TUBA1C: variants seen among roughly 807,000 people sequenced by gnomAD.
TUBA1C encodes tubulin alpha 1c.
TUBA1C carries 16 observed loss-of-function variants against 34.9 expected under a neutral mutation model. The ratio of observed to expected loss-of-function variants is 0.46; its 90% CI spans 0.31 to 0.70. The LOEUF (loss-of-function observed/expected upper bound fraction) is 0.70, where lower values mean the gene tolerates loss of function less well. TUBA1C is among the 30% of genes least tolerant of loss of function. The pLI, the probability that TUBA1C is intolerant of heterozygous loss-of-function variation, is 0.05. For synonymous variants in TUBA1C, 177 were observed against 215.9 expected (o/e 0.82, Z 1.58); for missense variants, 329 against 587.3 (o/e 0.56, Z 4.55).
upstream of TUBA1C, chr12:49,265,018 C>T: frequency 9.3e-7 from 1 of 1,078,614 alleles, no homozygotes; most frequent in Non-Finnish European, 1.2e-6. Flanking sequence ...GGTCTGGGGC[C>T]CGCCCTCCCG....
upstream of TUBA1C, among the ~76,000 whole-genome samples, chr12:49,261,872 G>T (rs1267471824): frequency 6.6e-6 from 1 of 152,158 alleles, no homozygotes; most frequent in Non-Finnish European, 1.5e-5. Flanking sequence ...CTAAAGCATT[G>T]TAAGATTACA....
intron 1 of TUBA1C, among the ~76,000 whole-genome samples, chr12:49,241,956 C>G (rs1942621503): frequency 6.7e-6 from 1 of 149,608 alleles, no homozygotes; most frequent in Admixed American, 6.7e-5. Flanking sequence ...AGCCTTTATA[C>G]ATATTTTCAT....
At chr12:49,270,154 A>G (rs1392364652) in intron 3 of TUBA1C, 178 bp downstream of exon 3, 5 of 1,319,302 alleles carry the variant, frequency 3.8e-6, no homozygotes, top group South Asian at 2.5e-5. Context: ...TGGGACAACT[A>G]TGGGGTAGAA....
chr12:49,263,563 A>C (rs1022528074), upstream of TUBA1C, among the ~76,000 whole-genome samples: 1 of 152,172 alleles, frequency 6.6e-6, no homozygotes, highest in Non-Finnish European at 1.5e-5. Flanking sequence ...CCTGACCTCA[A>C]GTGACCTGCC....
intron 1 of TUBA1C, among the ~76,000 whole-genome samples, chr12:49,248,943 A>C (rs908222156): frequency 6.6e-6 from 1 of 152,114 alleles, no homozygotes; most frequent in Non-Finnish European, 1.5e-5. Context: ...ATTTGGAAAT[A>C]AAACAGACTT....
At chr12:49,265,607 G>A (rs1191415210) in intron 1 of TUBA1C, among the ~76,000 whole-genome samples, 2 of 152,230 alleles carry the variant, frequency 1.3e-5, no homozygotes, top group African/African-American at 4.8e-5. Flanking sequence ...CACCGACGGT[G>A]CAGCACTTCC....
At chr12:49,263,022 TC>T (rs1440878088), upstream of TUBA1C, among the ~76,000 whole-genome samples, 64 of 136,370 alleles carry the variant, frequency 4.7e-4, 1 homozygote, top group Non-Finnish European at 7.7e-4. Context: ...AGAGAATTAC[TC>T]TTTTTTTTTT....
exon 1 of TUBA1C, chr12:49,228,159 A>G: frequency 6.5e-7 from 1 of 1,535,716 alleles, no homozygotes; most frequent in South Asian, 1.2e-5. Context: ...CCTGGCTGTG[A>G]TTCAAAGGTA....
chr12:49,272,369 G>A lies in TUBA1C; in HGVS notation c.492G>A (p.Lys164=), dbSNP rs199599214. 2.5e-5 allele frequency: 40 copies of A among 1,613,790 alleles called. 1 individual carries two copies. In the Middle Eastern group the frequency reaches 1.3e-3, roughly 53 times the overall value. ...MERLSVDYGK[K]SKLEFSIYPA... ...GTCTCTCAGTTGATTATGGCAAGAA[G>A]TCCAAGCTGGAGTTCTCCATTTACC... Residue 164 remains lysine (K), a synonymous_variant, in exon 4 of 4, where the codon AAG becomes AAA. Coordinates refer to ENST00000301072, the MANE Select transcript of TUBA1C (RefSeq NM_032704.5).
chr12:49,270,887 G>A (rs1172024810), intron 3 of TUBA1C, among the ~76,000 whole-genome samples: 2 of 152,168 alleles, frequency 1.3e-5, no homozygotes, highest in African/African-American at 2.4e-5. Context: ...GCTGAGGCAG[G>A]AGAATGGCGT....
intron 1 of TUBA1C, among the ~76,000 whole-genome samples, chr12:49,265,503 A>C (rs993720355): frequency 6.6e-6 from 1 of 152,170 alleles, no homozygotes; most frequent in African/African-American, 2.4e-5. Context: ...GCCTCCAAGA[A>C]CTTAAACTAA....
intron 1 of TUBA1C, among the ~76,000 whole-genome samples, chr12:49,254,985 G>C (rs1004862953): frequency 1.3e-5 from 2 of 151,874 alleles, no homozygotes; most frequent in African/African-American, 4.8e-5. Context: ...GGGTCCCTCT[G>C]TGTTGCCCAG....
At position 49,272,782 on chromosome 12, in the gene TUBA1C, T is replaced by C; in HGVS notation, c.905T>C (p.Met302Thr). 1.9e-6 allele frequency: 3 copies of C among 1,613,838 alleles called. No individual in the cohort carries two copies. Among genetic ancestry groups the C allele is most frequent in the Non-Finnish European group, 2.5e-6 (3 of 1,179,998 alleles). The change falls in exon 4 of 4, where the codon ATG becomes ACG. Residue 302 changes from methionine to threonine, a missense_variant. By Grantham distance (81) the Met-to-Thr change is moderately conservative. This residue lies in a region of TUBA1C where 140 missense variants were observed against 289.8 expected (regional missense o/e 0.48). Coordinates refer to ENST00000301072, the MANE Select transcript of TUBA1C (RefSeq NM_032704.5). ...GCTTGCTTTGAGCCAGCCAACCAGA[T>C]GGTGAAATGTGACCCTCGCCATGGT... ...TNACFEPANQ[M>T]VKCDPRHGKY...
At chr12:49,245,583 G>GA in intron 1 of TUBA1C, among the ~76,000 whole-genome samples, 1 of 152,314 alleles carries the variant, frequency 6.6e-6, no homozygotes, top group African/African-American at 2.4e-5. Flanking sequence ...CAACCTGGAT[G>GA]AAAAAAACCT....
At chr12:49,265,973 C>CAA (rs368947972) in intron 1 of TUBA1C, among the ~76,000 whole-genome samples, 12 of 118,230 alleles carry the variant, frequency 1.0e-4, no homozygotes, top group South Asian at 2.5e-4. Flanking sequence ...AAAAAAAAAA[C>CAA]AAAAAAAAAC....
chr12:49,269,754 G>T lies in TUBA1C; in HGVS notation c.226+67G>T, dbSNP rs78897149. On this transcript the variant is annotated intron_variant, in intron 2 of 3. Coordinates refer to ENST00000301072, the MANE Select transcript of TUBA1C (RefSeq NM_032704.5). Reference sequence around the variant, plus strand: ...GGGACAGGAGGTCTGTCCTGGGGGGGCTCCGCTGGTCACTCACCCACTCTC... The same window carrying T: ...GGGACAGGAGGTCTGTCCTGGGGGGTCTCCGCTGGTCACTCACCCACTCTC... 4 of 1,612,864 alleles carry T rather than the reference G, an allele frequency of 2.5e-6. No individual in the cohort carries two copies. The East Asian group carries it at 6.7e-5, about 27-fold the overall frequency.
At chr12:49,257,598 G>C (rs912968943) in intron 1 of TUBA1C, among the ~76,000 whole-genome samples, 28 of 151,864 alleles carry the variant, frequency 1.8e-4, no homozygotes, top group Non-Finnish European at 3.8e-4. Context: ...CTGGACAACA[G>C]CAAGACCCTC....
chr12:49,240,506 T>C lies in TUBA1C; in HGVS notation c.213+12340T>C, dbSNP rs925828943. Among the ~76,000 whole-genome samples the C allele has an allele frequency of 2.6e-5, 4 of 152,292 alleles. No homozygotes were observed. In the East Asian group the frequency reaches 5.8e-4, roughly 22 times the overall value. Reference sequence around the variant, plus strand: ...ATCAGGCTTATCAGAGGGTCTTGGCTTTCTGGCCACTTCCTGGACCCCCAC... The same window carrying C: ...ATCAGGCTTATCAGAGGGTCTTGGCCTTCTGGCCACTTCCTGGACCCCCAC... On this transcript the variant is annotated intron_variant, in intron 1 of 3. Coordinates refer to the TUBA1C transcript ENST00000541364.
intron 1 of TUBA1C, among the ~76,000 whole-genome samples, chr12:49,244,492 G>C (rs1424443016): frequency 6.6e-6 from 1 of 152,064 alleles, no homozygotes; most frequent in African/African-American, 2.4e-5. Context: ...GAAGAAGGAA[G>C]TTAAGGGAAG....
Sources: gnomAD v4.1 joint callset for allele counts (sites outside exome capture counted in the v4.1 genomes callset) on GRCh38, gnomAD v4.1.1 for gene constraint, gnomAD v4.1.1 regional missense constraint, MANE v1.5 for transcripts, NCBI Gene and HGNC (gene_info 2026-07-23, HGNC 2026-07-21) for gene names.